Variants in CCDC25 observed in about 807,000 individuals in gnomAD.
CCDC25 encodes coiled-coil domain containing 25.
Under a neutral mutation model 35.3 loss-of-function variants are expected in CCDC25, and 16 were observed. The observed-to-expected ratio is 0.45, with a 90% CI of 0.31 to 0.69. The LOEUF (loss-of-function observed/expected upper bound fraction) is 0.69. Ranked by LOEUF, CCDC25 falls within the 30% of genes least tolerant of loss-of-function variation. CCDC25 has a pLI of 0.06. For synonymous variants in CCDC25, 79 were observed against 80.3 expected, an observed-to-expected ratio of 0.98 and a Z score of 0.09; for missense variants, 179 against 250.7, an observed-to-expected ratio of 0.71 and a Z score of 1.93.
chr8:27,770,194 C>T (rs1804542703), intron 1 of CCDC25, among the ~76,000 whole-genome samples: 2 of 152,110 alleles, frequency 1.3e-5, no homozygotes, highest in African/African-American at 4.8e-5. Flanking sequence ...GTAATTCCAG[C>T]ACTTTGGGAG....
intron 7 of CCDC25, among the ~76,000 whole-genome samples, chr8:27,746,512 G>T (rs1803606703): frequency 6.6e-6 from 1 of 152,056 alleles, no homozygotes; most frequent in African/African-American, 2.4e-5. Flanking sequence ...ACAAAATTAT[G>T]TTCGATCCGT....
In CCDC25 at chr8:27,742,380, G is replaced by A. The variant is rs183261186; in HGVS notation, c.552-1863C>T. Among the ~76,000 whole-genome samples the A allele has an allele frequency of 1.2e-3, 184 of 152,282 alleles. 1 individual carries two copies. The highest frequency in any genetic ancestry group is 4.0e-3 in the African/African-American group (167 of 41,552). On this transcript the variant is annotated intron_variant, in intron 7 of 8. Transcript: ENST00000356537. ...AACAAAAAACAGACAAGATCAACAG[G>A]TTGCATGAGCAGGAGGAGAAAGACA...
intron 3 of CCDC25, among the ~76,000 whole-genome samples, chr8:27,760,913 G>T (rs1804205640): frequency 6.6e-6 from 1 of 152,152 alleles, no homozygotes; most frequent in Non-Finnish European, 1.5e-5. Context: ...ATCACCTGAG[G>T]TTAGGAGTTC....
In CCDC25 at chr8:27,748,219, TG is replaced by T; in HGVS notation, c.408del (p.Val138SerfsTer7). 6.2e-7 allele frequency: 1 copy of T among 1,614,080 alleles called. No individual in the cohort carries two copies. The highest frequency in any genetic ancestry group is 8.5e-7 in the Non-Finnish European group (1 of 1,179,936). On this transcript the variant is annotated frameshift_variant, in exon 7 of 9. Transcript: ENST00000356537. LOFTEE classifies it high-confidence loss of function. Reference protein sequence around the residue: ...VNEILNRLEKTKVERFPDLAA... With the variant: ...VNEILNRLEKXKVERFPDLAA... ...GCTAGGTCTGGGAACCGCTCGACTT[TG>T]GTCTTTTCTAATCGGTTCAGGATCT...
chr8:27,752,800 CACTT>C, intron 4 of CCDC25: 2 of 227,342 alleles, frequency 8.8e-6, no homozygotes, highest in Non-Finnish European at 1.6e-5. Flanking sequence ...AAAATATTGA[CACTT>C]AATAAGTAAA....
rs548261122 is a variant in CCDC25, at chr8:27,745,943, G to C, written c.551+2134C>G. On this transcript the variant is annotated intron_variant, in intron 7 of 8. Transcript: ENST00000356537. ...TTGAAGGAAAAATCTTATTCAATAA[G>C]ATTGAGTTTTCCCTTCAGTTAATAG... Among the ~76,000 whole-genome samples the C allele has an allele frequency of 7.4e-4, 113 of 152,322 alleles. 1 individual carries two copies. Among genetic ancestry groups the C allele is most frequent in the Non-Finnish European group, 1.5e-3 (99 of 68,026 alleles).
In CCDC25 at chr8:27,748,171, G is replaced by A. The variant is rs757755754; in HGVS notation, c.457C>T (p.Arg153Cys). The change falls in exon 7 of 9, where the codon CGT (arginine) becomes TGT (cysteine). Residue 153 changes from arginine (R) to cysteine (C), a missense_variant. By Grantham distance (180) the Arg-to-Cys change is radical (BLOSUM62 -3). Transcript: ENST00000356537. ...DLAAEKECRD[R>C]EERNEKKAQI... is the part of the protein sequence containing the mutation. Reference sequence around the variant, plus strand: ...GCTTTTTTCTCATTCCTCTCTTCACGATCTCTGCATTCTTTCTCTGCTGCT... The same window carrying A: ...GCTTTTTTCTCATTCCTCTCTTCACAATCTCTGCATTCTTTCTCTGCTGCT... 38 of 1,612,578 alleles carry A rather than the reference G, an allele frequency of 2.4e-5. No individual in the cohort carries two copies. In the East Asian group the frequency reaches 2.7e-4, roughly 11 times the overall value.
Position 27,753,820 on chromosome 8 carries a change from C to T in CCDC25, c.169-1233G>A, listed in dbSNP as rs7828359. Among the ~76,000 whole-genome samples the T allele has an allele frequency of 3.7e-3, 570 of 152,318 alleles. 5 individuals carry two copies. The highest frequency in any genetic ancestry group is 0.013 in the African/African-American group (559 of 41,562). ...TTTGCTCCAGCACAGACTTCATAAT[C>T]CTCTTTTCCTTCACCATATAGTCCT... On this transcript the variant is annotated intron_variant, in intron 4 of 8. Coordinates refer to ENST00000356537, the MANE Select transcript of CCDC25 (RefSeq NM_018246.3).
rs573750572 is a variant in CCDC25, at chr8:27,763,879, T to C, written c.76+1325A>G. ...TGGGTAAAGGCACTCATAACAGTCGTAGACACTATGAGTTTTCTGAAAGGC... is the reference window on the plus strand; with the variant it reads ...TGGGTAAAGGCACTCATAACAGTCGCAGACACTATGAGTTTTCTGAAAGGC... On this transcript the variant is annotated intron_variant, in intron 2 of 8. Coordinates refer to ENST00000356537, the MANE Select transcript of CCDC25 (RefSeq NM_018246.3). Among the ~76,000 whole-genome samples, 6 of 152,298 alleles carry C rather than the reference T, an allele frequency of 3.9e-5. No homozygotes were observed. In the South Asian group the frequency reaches 1.0e-3, roughly 26 times the overall value.
chr8:27,740,236 T>C (rs1429017048), intron 8 of CCDC25, among the ~76,000 whole-genome samples: 1 of 152,190 alleles, frequency 6.6e-6, no homozygotes, highest in Non-Finnish European at 1.5e-5. Context: ...TACGCCACAG[T>C]AGACAAGCTC....
intron 5 of CCDC25, among the ~76,000 whole-genome samples, chr8:27,750,239 G>A (rs1247962092): frequency 1.3e-5 from 2 of 152,208 alleles, no homozygotes; most frequent in Non-Finnish European, 2.9e-5. Context: ...TCATCGAGGA[G>A]GCTCACAGAG....
chr8:27,768,619 CACA>C (rs895666198), intron 1 of CCDC25, among the ~76,000 whole-genome samples: 3 of 151,482 alleles, frequency 2.0e-5, no homozygotes, highest in South Asian at 2.1e-4. Flanking sequence ...ATCATTGCTG[CACA>C]ACAAGTCTGA....
chr8:27,762,587 C>T (rs937568616), intron 2 of CCDC25, 129 bp from the exon 3 acceptor site: 11 of 685,176 alleles, frequency 1.6e-5, no homozygotes, highest in African/African-American at 1.5e-4. Context: ...AAGAGTAATT[C>T]GGAGGCCTTG....
intron 5 of CCDC25, among the ~76,000 whole-genome samples, chr8:27,751,085 G>C (rs114679895): frequency 0.012 from 1,856 of 152,318 alleles, 35 homozygotes; most frequent in African/African-American, 0.043. Flanking sequence ...GTAATTCAGT[G>C]TCATGACTCT....
At chr8:27,736,350 G>C (rs1803223646) in intron 8 of CCDC25, 105 bp from the exon 9 acceptor site, 1 of 880,576 alleles carries the variant, frequency 1.1e-6, no homozygotes, top group African/African-American at 1.7e-5. Context: ...CTCAGTCACT[G>C]AGTTCAGAAA....
At chr8:27,757,673 T>A (rs923696687) in intron 3 of CCDC25, among the ~76,000 whole-genome samples, 1 of 152,200 alleles carries the variant, frequency 6.6e-6, no homozygotes, top group Admixed American at 6.5e-5. Context: ...AAATGCCCCC[T>A]CCGCATCCCA....
chr8:27,744,889 A>G (rs1803554891), intron 7 of CCDC25, among the ~76,000 whole-genome samples: 1 of 152,200 alleles, frequency 6.6e-6, no homozygotes, highest in Non-Finnish European at 1.5e-5. Context: ...GTTCATGTCA[A>G]TGTTCAAATT....
rs373173340 is a variant in CCDC25 at position 27,766,401 on chromosome 8, C to T, written c.29-1150G>A. On this transcript the variant is annotated intron_variant, in intron 1 of 8. Transcript: ENST00000356537. ...TGAGAAGCTTCTTAAATGATCAATC[C>T]TAGTTGCCTTTCTCGGGGGAGAGAA... 2.0e-5 allele frequency among the ~76,000 whole-genome samples: 3 copies of T among 151,904 alleles called. 1 individual carries two copies. The highest frequency in any genetic ancestry group is 7.2e-5 in the African/African-American group (3 of 41,412).
intron 4 of CCDC25, among the ~76,000 whole-genome samples, chr8:27,754,210 G>C (rs1241707571): frequency 3.9e-5 from 6 of 152,076 alleles, no homozygotes; most frequent in Admixed American, 3.9e-4. Context: ...TCATAATGCT[G>C]AAAAATTGGA....
Sources: allele counts gnomAD v4.1 joint callset (sites outside exome capture counted in the v4.1 genomes callset), GRCh38; gene constraint gnomAD v4.1.1; transcripts MANE v1.5; gene names NCBI Gene and HGNC (gene_info 2026-07-23, HGNC 2026-07-21).